CDC25C: variants seen among roughly 807,000 people sequenced by gnomAD.
The protein encoded by CDC25C is M-phase inducer phosphatase 3.
CDC25C carries 48 observed loss-of-function variants against 52.5 expected under a neutral mutation model. The ratio of observed to expected loss-of-function variants is 0.91; its 90% confidence interval spans 0.72 to 1.16. The LOEUF is 1.16. Among genes scored for constraint, CDC25C ranks in the 50% most tolerant of loss-of-function variants. The probability of loss-of-function intolerance (pLI) is 0.00; values close to 1 mark genes in which losing one functional copy is unlikely to be tolerated. For missense variants in CDC25C, 510 were observed against 566.1 expected (o/e 0.90, Z 1.01); for synonymous variants, 187 against 206.5 (o/e 0.91, Z 0.81).
chr5:138,319,161 C>G (rs1014218853), intron 7 of CDC25C, 58 bp downstream of exon 7: 1 of 1,452,264 alleles, frequency 6.9e-7, no homozygotes, highest in Admixed American at 2.0e-5. Flanking sequence ...TCTAGTTCTT[C>G]TTTTAACAGA....
intron 4 of CDC25C, among the ~76,000 whole-genome samples, chr5:138,326,470 TAGCTG>T: frequency 6.6e-6 from 1 of 151,886 alleles, no homozygotes; most frequent in African/African-American, 2.4e-5. Context: ...GCCTCCTGAG[TAGCTG>T]GGACTACAGG....
chr5:138,291,867 A>G, intron 8 of CDC25C, 103 bp downstream of exon 8: 1 of 855,444 alleles, frequency 1.2e-6, no homozygotes, highest in Non-Finnish European at 1.7e-6. Flanking sequence ...GTAAAAGTAA[A>G]GAGGAAGAAG....
chr5:138,303,150 A>G (rs763247557), intron 7 of CDC25C, among the ~76,000 whole-genome samples: 7 of 152,150 alleles, frequency 4.6e-5, no homozygotes, highest in Non-Finnish European at 1.0e-4. Flanking sequence ...AACTTCCTCA[A>G]CCTGATGATG....
chr5:138,288,488 G>C (rs1756445296), intron 10 of CDC25C, among the ~76,000 whole-genome samples: 2 of 152,102 alleles, frequency 1.3e-5, no homozygotes, highest in Admixed American at 6.5e-5. Context: ...CCAGAGGACA[G>C]GAGTTTGAAA....
Position 138,286,087 on chromosome 5 carries a change from C to A in CDC25C, c.1207G>T (p.Ala403Ser), listed in dbSNP as rs1297039218. Residue 403 changes from alanine to serine, a missense_variant, in exon 13 of 14, where the codon GCA becomes TCA. Physicochemically the swap from Ala to Ser is moderately conservative, Grantham distance 99. Transcript: ENST00000323760. ...ATATATAGCTCTGGGTAGTACAATG[C>A]AGGATACTGGTTCAGAGACCTGTCC... ...EEDRSLNQYP[A>S]LYYPELYILK... The A allele has an allele frequency of 6.2e-7, 1 of 1,614,112 alleles. No individual in the cohort carries two copies. Among genetic ancestry groups the A allele is most frequent in the South Asian group, 1.1e-5 (1 of 91,078 alleles).
chr5:138,316,406 G>A (rs1341548969), intron 7 of CDC25C, among the ~76,000 whole-genome samples: 1 of 152,168 alleles, frequency 6.6e-6, no homozygotes, highest in African/African-American at 2.4e-5. Flanking sequence ...GACTGAGGGT[G>A]GTCAGTGCTG....
At chr5:138,298,580 T>C (rs922593669) in intron 7 of CDC25C, among the ~76,000 whole-genome samples, 5 of 151,374 alleles carry the variant, frequency 3.3e-5, no homozygotes, top group Non-Finnish European at 5.9e-5. Flanking sequence ...TGAAATCCTG[T>C]CTCTACTAAA....
intron 6 of CDC25C, among the ~76,000 whole-genome samples, chr5:138,323,170 A>T (rs1276697289): frequency 6.6e-6 from 1 of 151,942 alleles, no homozygotes; most frequent in Non-Finnish European, 1.5e-5. Flanking sequence ...GCCTCAGGTG[A>T]TCCACCTGCC....
rs11567962 is a variant in CDC25C, at chr5:138,329,609, C to T, written c.233G>A (p.Ser78Asn). ...PKRCLDLSNL[S>N]SGEITATQLT... Reference sequence around the variant, plus strand: ...CTGAGTGGCAGTTATCTCCCCACTGCTAAGATTCGAAAGATCGAGGCAACG... The same window carrying T: ...CTGAGTGGCAGTTATCTCCCCACTGTTAAGATTCGAAAGATCGAGGCAACG... The change falls in exon 3 of 14, where the codon AGC (serine) becomes AAC (asparagine). Residue 78 changes from serine to asparagine, a missense_variant. By Grantham distance (46) the Ser-to-Asn change is conservative. Coordinates refer to ENST00000323760, the MANE Select transcript of CDC25C (RefSeq NM_001790.5). 412 of 1,613,324 alleles carry T rather than the reference C, an allele frequency of 2.6e-4. 2 individuals carry two copies. In the African/African-American group the frequency reaches 5.2e-3, roughly 20 times the overall value.
chr5:138,317,654 T>C (rs749930558), intron 7 of CDC25C, among the ~76,000 whole-genome samples: 6 of 117,632 alleles, frequency 5.1e-5, no homozygotes, highest in African/African-American at 9.8e-5. Context: ...TACCCCAGCC[T>C]GGGCTACAGA....
intron 7 of CDC25C, among the ~76,000 whole-genome samples, chr5:138,317,462 T>A (rs953811285): frequency 2.0e-5 from 3 of 151,902 alleles, no homozygotes; most frequent in African/African-American, 7.3e-5. Flanking sequence ...TGTGAATCAC[T>A]TGAGTCCAGG....
intron 3 of CDC25C, 88 bp from the exon 4 acceptor site, chr5:138,328,617 G>A: frequency 9.2e-7 from 1 of 1,089,650 alleles, no homozygotes; most frequent in Non-Finnish European, 1.4e-6. Flanking sequence ...TTACCAGTAA[G>A]CCGTATTAAT....
At chr5:138,308,577 C>G (rs1271336926) in intron 7 of CDC25C, among the ~76,000 whole-genome samples, 1 of 152,116 alleles carries the variant, frequency 6.6e-6, no homozygotes, top group Non-Finnish European at 1.5e-5. Context: ...CTATTCCCAA[C>G]TCACTGTTTT....
chr5:138,286,010 C>T lies in CDC25C; in HGVS notation c.1272+12G>A. 2 of 1,601,200 alleles carry T rather than the reference C, an allele frequency of 1.2e-6. No individual in the cohort carries two copies. On this transcript the variant is annotated intron_variant, in intron 13 of 13. Coordinates refer to ENST00000323760, the MANE Select transcript of CDC25C (RefSeq NM_001790.5). ...TGTTAAAGTTTGGCTCCCCGCATGC[C>T]CCACCCTTTACCATATATTCTGGAA...
At chr5:138,328,602 CTTCA>C in intron 3 of CDC25C, 73 bp from the exon 4 acceptor site, 1 of 1,245,334 alleles carries the variant, frequency 8.0e-7, no homozygotes, top group East Asian at 2.3e-5. Flanking sequence ...TTCAGATTTT[CTTCA>C]TTACCAGTAA....
Position 138,291,973 on chromosome 5 carries a change from C to G in CDC25C, c.759G>C (p.Arg253Ser). ...KKYFSGQGKL[R>S]KGLCLKKTVS... ...TTTCATCTTAAAAAGTTCTTACCTT[C>G]CTGAGCTTTCCTTGGCCAGAAAAAT... Residue 253 changes from arginine (R) to serine (S), a missense_variant, in exon 8 of 14, where the codon AGG becomes AGC. Physicochemically the swap from Arg to Ser is moderately radical, Grantham distance 110 (BLOSUM62 -1). Transcript: ENST00000323760. 6.2e-7 allele frequency: 1 copy of G among 1,606,068 alleles called. No homozygotes were observed. The highest frequency in any genetic ancestry group is 1.1e-5 in the South Asian group (1 of 89,768).
intron 7 of CDC25C, among the ~76,000 whole-genome samples, chr5:138,303,859 GAATA>G (rs1446103904): frequency 6.6e-5 from 10 of 152,276 alleles, no homozygotes; most frequent in African/African-American, 2.2e-4. Flanking sequence ...TGGCATTAGT[GAATA>G]AATGAATGAA....
chr5:138,335,771 TTTTTTTTTGTTTTG>T (rs1246627237), upstream of CDC25C, among the ~76,000 whole-genome samples: 3 of 151,418 alleles, frequency 2.0e-5, no homozygotes, highest in African/African-American at 4.8e-5. Context: ...TTGCAGGGTT[TTTTTTTTTGTTTTG>T]TTTTTTTTGT....
intron 7 of CDC25C, among the ~76,000 whole-genome samples, chr5:138,315,566 T>C (rs1758812246): frequency 6.6e-6 from 1 of 152,170 alleles, no homozygotes; most frequent in South Asian, 2.1e-4. Flanking sequence ...CACAATGAAA[T>C]TCATTAACAC....
Sources: gnomAD v4.1 joint callset for allele counts (sites outside exome capture counted in the v4.1 genomes callset) on GRCh38, gnomAD v4.1.1 for gene constraint, MANE v1.5 for transcripts, NCBI Gene and HGNC (gene_info 2026-07-23, HGNC 2026-07-21) for gene names.